The following MBD5 variants were observed in gnomAD, a reference collection of about 807,000 sequenced individuals.
The protein encoded by MBD5 is methyl-CpG binding domain protein 5, also known as methyl-CpG-binding domain protein 5.
In MBD5, 13 loss-of-function variants were observed where a neutral mutation model predicts 117.3. The ratio of observed to expected loss-of-function variants is 0.11; its 90% CI spans 0.07 to 0.18. The LOEUF is 0.18. Among genes scored for constraint, MBD5 ranks in the 10% least tolerant of loss-of-function variants. The pLI is 1.00. For missense variants in MBD5, 1,879 were observed against 2,093.8 expected (o/e 0.90, Z 2.00); for synonymous variants, 727 against 766.4 (o/e 0.95, Z 0.85).
intron 1 of MBD5, among the ~76,000 whole-genome samples, chr2:148,102,288 C>T (rs113418197): frequency 7.2e-5 from 11 of 152,216 alleles, no homozygotes; most frequent in African/African-American, 2.4e-4. Context: ...TTTACAAAGG[C>T]GGTTTCAAAA....
chr2:148,021,764 T>C (rs934268533), intron 1 of MBD5, 80 bp downstream of exon 1: 23 of 212,330 alleles, frequency 1.1e-4, no homozygotes, highest in Admixed American at 1.0e-4. Flanking sequence ...CCAAACCACA[T>C]ACGCAGTGGA....
chr2:148,275,393 G>A (rs1419953855), intron 3 of MBD5, among the ~76,000 whole-genome samples: 2 of 152,148 alleles, frequency 1.3e-5, no homozygotes, highest in Non-Finnish European at 2.9e-5. Flanking sequence ...TTAGTGGGAT[G>A]TATGTAGAGA....
chr2:148,376,699 G>GAT (rs1221233255), intron 4 of MBD5, among the ~76,000 whole-genome samples: 2 of 137,616 alleles, frequency 1.5e-5, no homozygotes, highest in African/African-American at 2.7e-5. Flanking sequence ...GAACTGATAG[G>GAT]ATATATATAT....
At chr2:148,038,885 A>G (rs932303689) in intron 1 of MBD5, among the ~76,000 whole-genome samples, 22 of 152,256 alleles carry the variant, frequency 1.4e-4, no homozygotes, top group East Asian at 1.9e-4. Flanking sequence ...CTGAGTACAC[A>G]TCCTAATACT....
At chr2:148,041,955 T>C (rs1694371174) in intron 1 of MBD5, among the ~76,000 whole-genome samples, 1 of 152,218 alleles carries the variant, frequency 6.6e-6, no homozygotes, top group Admixed American at 6.5e-5. Flanking sequence ...AAGCCATCTT[T>C]ATCCTTTCCT....
chr2:148,400,484 T>G (rs1471766404), intron 4 of MBD5, among the ~76,000 whole-genome samples: 2 of 152,236 alleles, frequency 1.3e-5, no homozygotes, highest in African/African-American at 4.8e-5. Context: ...AATGAGATCC[T>G]AGCTCCCATT....
At chr2:148,370,376 C>G (rs1703816486) in intron 4 of MBD5, among the ~76,000 whole-genome samples, 1 of 152,070 alleles carries the variant, frequency 6.6e-6, no homozygotes, top group South Asian at 2.1e-4. Context: ...TAGTATTACA[C>G]CTTTCTGTTC....
In MBD5 at chr2:148,406,171, G is replaced by A. The variant is rs142439505; in HGVS notation, c.-556-52032G>A. Among the ~76,000 whole-genome samples the A allele has an allele frequency of 7.0e-4, 107 of 152,268 alleles. No homozygotes were observed. The East Asian group carries it at 0.018, about 25-fold the overall frequency. On this transcript the variant is annotated intron_variant, in intron 4 of 13. Coordinates refer to ENST00000642680, the MANE Select transcript of MBD5 (RefSeq NM_001378120.1). ...ATTGTGCCACTGCACTCCAGCCTGGGCAACAGAGTGAAACCCTGTCTCAGT... is the reference window on the plus strand; with the variant it reads ...ATTGTGCCACTGCACTCCAGCCTGGACAACAGAGTGAAACCCTGTCTCAGT...
chr2:148,140,657 C>G (rs1234336322), intron 1 of MBD5, among the ~76,000 whole-genome samples: 2 of 151,994 alleles, frequency 1.3e-5, no homozygotes, highest in African/African-American at 2.4e-5. Flanking sequence ...TACTTTTTTC[C>G]TAATACATTT....
chr2:148,081,812 A>G (rs1041081701), intron 1 of MBD5, among the ~76,000 whole-genome samples: 4 of 152,108 alleles, frequency 2.6e-5, no homozygotes, highest in Admixed American at 1.3e-4. Context: ...CATAGTACCT[A>G]CTGCACTGTA....
chr2:148,228,089 G>A lies in MBD5; in HGVS notation c.-830-5156G>A, dbSNP rs574764177. Among the ~76,000 whole-genome samples the A allele has an allele frequency of 2.4e-4, 36 of 152,226 alleles. No individual in the cohort carries two copies. The East Asian group carries it at 6.9e-3, about 29-fold the overall frequency. On this transcript the variant is annotated intron_variant, in intron 2 of 13. Coordinates refer to ENST00000642680, the MANE Select transcript of MBD5 (RefSeq NM_001378120.1). ...GATTTGACTTCCTCTTTTCCTAATT[G>A]AATGCCCTTTATTTCCTTCTCCTGC...
At chr2:148,134,459 A>G (rs935432586) in intron 1 of MBD5, among the ~76,000 whole-genome samples, 8 of 152,198 alleles carry the variant, frequency 5.3e-5, no homozygotes, top group Non-Finnish European at 1.2e-4. Flanking sequence ...GATAATAGGC[A>G]AATTCTTTGC....
chr2:148,490,036 T>C lies in MBD5; in HGVS notation c.4404T>C (p.Ser1468=). ...GTCATGAAAGGCCCAACAATGTCTC[T>C]ACACTGCCATTTCTGCCTGGGGAAC... ...SPCHERPNNV[S]TLPFLPGEQH... is the part of the protein sequence containing the mutation. The change falls in exon 11 of 14, where the codon TCT becomes TCC. Residue 1468 remains serine, a synonymous_variant. Coordinates refer to ENST00000642680, the MANE Select transcript of MBD5 (RefSeq NM_001378120.1). 1 of 1,614,006 alleles carries C rather than the reference T, an allele frequency of 6.2e-7. No individual in the cohort carries two copies. Among genetic ancestry groups the C allele is most frequent in the Non-Finnish European group, 8.5e-7 (1 of 1,179,978 alleles).
In MBD5 at chr2:148,484,722, T is replaced by C. The variant is rs548956418; in HGVS notation, c.3544+587T>C. On this transcript the variant is annotated intron_variant, in intron 9 of 13. Coordinates refer to ENST00000642680, the MANE Select transcript of MBD5 (RefSeq NM_001378120.1). ...TCAGTCAGTATTAATTTTTTGACTT[T>C]TGTGGCTTAAAAATACAGTTTTTCA... is the stretch of plus-strand genomic sequence containing the variant. Among the ~76,000 whole-genome samples, 4 of 152,322 alleles carry C rather than the reference T, an allele frequency of 2.6e-5. No homozygotes were observed. The East Asian group carries it at 5.8e-4, about 22-fold the overall frequency.
intron 1 of MBD5, among the ~76,000 whole-genome samples, chr2:148,103,014 A>G (rs1273518740): frequency 6.6e-6 from 1 of 152,182 alleles, no homozygotes; most frequent in Non-Finnish European, 1.5e-5. Flanking sequence ...GAAAAGATAG[A>G]TGAAAAAATT....
intron 11 of MBD5, among the ~76,000 whole-genome samples, chr2:148,492,636 T>G (rs1681565249): frequency 6.6e-6 from 1 of 152,056 alleles, no homozygotes; most frequent in Non-Finnish European, 1.5e-5. Context: ...ATAAGTAAAC[T>G]AAGTACTACT....
intron 3 of MBD5, among the ~76,000 whole-genome samples, chr2:148,267,189 C>T (rs1397243744): frequency 6.6e-6 from 1 of 151,984 alleles, no homozygotes; most frequent in Non-Finnish European, 1.5e-5. Flanking sequence ...TTGTAAGGGG[C>T]ATTGAGACCA....
At chr2:148,308,270 G>A (rs570140997) in intron 3 of MBD5, among the ~76,000 whole-genome samples, 18 of 152,170 alleles carry the variant, frequency 1.2e-4, no homozygotes, top group South Asian at 4.2e-4. Flanking sequence ...GTGTAAAAGC[G>A]TTCCTATTTC....
intron 4 of MBD5, among the ~76,000 whole-genome samples, chr2:148,389,824 T>C (rs1254651480): frequency 1.3e-5 from 2 of 152,204 alleles, no homozygotes; most frequent in Non-Finnish European, 2.9e-5. Flanking sequence ...TTATAGATTC[T>C]GGATATTAGA....
Sources: gnomAD v4.1 joint callset for allele counts (sites outside exome capture counted in the v4.1 genomes callset) on GRCh38, gnomAD v4.1.1 for gene constraint, MANE v1.5 for transcripts, NCBI Gene and HGNC (gene_info 2026-07-23, HGNC 2026-07-21) for gene names.